The following LOXL2 variants were observed in gnomAD, a reference collection of about 807,000 sequenced individuals.
LOXL2 encodes lysyl oxidase homolog 2.
A neutral mutation model predicts 93.0 loss-of-function variants in LOXL2; 70 were observed. The observed-to-expected ratio is 0.75, with a 90% CI of 0.62 to 0.92. LOXL2 has a LOEUF of 0.92. Ranked by LOEUF, LOXL2 falls within the 40% of genes least tolerant of loss-of-function variation. The pLI is 0.00. For synonymous variants in LOXL2, 438 were observed against 413.2 expected (o/e 1.06, Z -0.73); for missense variants, 973 against 1,054.9 (o/e 0.92, Z 1.08).
chr8:23,374,620 T>A (rs954433173), intron 1 of LOXL2, among the ~76,000 whole-genome samples: 1 of 152,250 alleles, frequency 6.6e-6, no homozygotes, highest in Non-Finnish European at 1.5e-5. Context: ...TGTTGTTTCC[T>A]GACTTTTGAA....
At chr8:23,391,488 T>A (rs1804843004) in intron 1 of LOXL2, among the ~76,000 whole-genome samples, 1 of 152,150 alleles carries the variant, frequency 6.6e-6, no homozygotes, top group Non-Finnish European at 1.5e-5. Context: ...ATCATTCCCA[T>A]CAAGCACTCT....
chr8:23,342,585 C>T lies in LOXL2; in HGVS notation c.532-1382G>A, dbSNP rs374336736. On this transcript the variant is annotated intron_variant, in intron 3 of 13. Coordinates refer to ENST00000389131, the MANE Select transcript of LOXL2 (RefSeq NM_002318.3). ...TAGCTGGGACTACAGGCGCACGCCA[C>T]CACACCCGGCCAATTGTTTGTATTT... is the stretch of plus-strand genomic sequence containing the variant. 1.5e-3 allele frequency among the ~76,000 whole-genome samples: 232 copies of T among 152,188 alleles called. 1 individual carries two copies. The highest frequency in any genetic ancestry group is 5.5e-3 in the African/African-American group (227 of 41,540).
chr8:23,378,760 G>A (rs550039472), intron 1 of LOXL2, among the ~76,000 whole-genome samples: 6 of 152,290 alleles, frequency 3.9e-5, no homozygotes, highest in Admixed American at 6.5e-5. Flanking sequence ...CATTCGTCAC[G>A]TAGTTCTCGT....
rs951405524 is a variant in LOXL2, at chr8:23,328,578, A to G, written c.967-13T>C. ...GCACCAGGGGTTGCTGAAGAGACAC[A>G]CGGTCCTGCTGAGTACAGACGCTGA... On this transcript the variant is annotated splice_polypyrimidine_tract_variant and intron_variant, in intron 5 of 13. Transcript: ENST00000389131. 4.2e-5 allele frequency: 67 copies of G among 1,612,990 alleles called. No individual in the cohort carries two copies. Among genetic ancestry groups the G allele is most frequent in the Non-Finnish European group, 5.0e-5 (59 of 1,179,870 alleles).
intron 1 of LOXL2, among the ~76,000 whole-genome samples, chr8:23,403,133 A>AG (rs1365905421): frequency 9.9e-5 from 15 of 152,126 alleles, no homozygotes; most frequent in African/African-American, 3.6e-4. Flanking sequence ...GCTGGTGAGA[A>AG]GGGGCGCGGT....
At chr8:23,386,646 T>A (rs1804765059) in intron 1 of LOXL2, among the ~76,000 whole-genome samples, 1 of 152,082 alleles carries the variant, frequency 6.6e-6, no homozygotes, top group Non-Finnish European at 1.5e-5. Flanking sequence ...GGCAGATCTA[T>A]TCTCAGCATT....
At chr8:23,337,606 CCTTT>C (rs758860980) in intron 4 of LOXL2, 1 of 152,196 alleles carries the variant, frequency 6.6e-6, no homozygotes, top group African/African-American at 2.4e-5. Flanking sequence ...CCGCTGGAGG[CCTTT>C]CTAACTTCCT....
intron 11 of LOXL2, among the ~76,000 whole-genome samples, 177 bp downstream of exon 11, chr8:23,303,105 G>T (rs1384497757): frequency 6.6e-6 from 1 of 152,036 alleles, no homozygotes; most frequent in Non-Finnish European, 1.5e-5. Context: ...TTGGAACCAG[G>T]TCATGCCCAT....
intron 8 of LOXL2, 33 bp downstream of exon 8, chr8:23,319,852 G>A (rs746268350): frequency 1.9e-6 from 3 of 1,605,138 alleles, no homozygotes; most frequent in Non-Finnish European, 2.5e-6. Flanking sequence ...TGCATGGGGG[G>A]TGAATGCGGG....
At chr8:23,321,514 G>A (rs1803497505) in intron 7 of LOXL2, among the ~76,000 whole-genome samples, 1 of 152,304 alleles carries the variant, frequency 6.6e-6, no homozygotes, top group Non-Finnish European at 1.5e-5. Context: ...GGTGAGCGGG[G>A]TCTGACCTCA....
In LOXL2 at chr8:23,303,140, A is replaced by G; in HGVS notation, c.1996+142T>C. The G allele has an allele frequency of 4.5e-6, 3 of 667,544 alleles. No individual in the cohort carries two copies. The South Asian group carries it at 4.9e-5, about 11-fold the overall frequency. The allele number at this position is 667,544 out of a possible 1,614,324, so 41.4% of individuals were successfully genotyped here. On this transcript the variant is annotated intron_variant, in intron 11 of 13. Coordinates refer to ENST00000389131, the MANE Select transcript of LOXL2 (RefSeq NM_002318.3). ...TGCCCCCAGCGCCTCACTATAGCTG[A>G]GGAAGGTCCAGGTGGGGAAAGGTGG...
chr8:23,332,156 A>T (rs190250539), intron 5 of LOXL2: 3 of 150,978 alleles, frequency 2.0e-5, no homozygotes, highest in Admixed American at 6.6e-5. Context: ...GAATACACTC[A>T]CACACACACT....
At chr8:23,303,706 A>C (rs542540967) in intron 10 of LOXL2, among the ~76,000 whole-genome samples, 1 of 152,038 alleles carries the variant, frequency 6.6e-6, no homozygotes, top group Non-Finnish European at 1.5e-5. Flanking sequence ...CCAGCACTGC[A>C]TATGATAAGC....
rs979124622 is a variant in LOXL2 at position 23,328,393 on chromosome 8, C to T, written c.1139G>A (p.Arg380Gln). 7.4e-6 allele frequency: 12 copies of T among 1,613,824 alleles called. No individual in the cohort carries two copies. In the African/African-American group the frequency reaches 9.3e-5, roughly 13 times the overall value. Residue 380 changes from arginine to glutamine, a missense_variant, in exon 6 of 14, where the codon CGA becomes CAA. Transcript: ENST00000389131. ...TCCCCATTCCTTACCTTGCCCCAGT[C>T]GGGAGCCAGTGACTGCCTCTTTGGC... Reference protein sequence around the residue: ...GSAKEAVTGSRLGQGIGPIHL... With the variant: ...GSAKEAVTGSQLGQGIGPIHL...
chr8:23,333,288 G>C, intron 5 of LOXL2, 113 bp downstream of exon 5: 1 of 957,214 alleles, frequency 1.0e-6, no homozygotes, highest in Non-Finnish European at 1.6e-6. Flanking sequence ...CCACAATGGT[G>C]ATCTCCGCTG....
intron 12 of LOXL2, among the ~76,000 whole-genome samples, chr8:23,300,111 G>A (rs557413920): frequency 6.6e-6 from 1 of 152,274 alleles, no homozygotes; most frequent in African/African-American, 2.4e-5. Flanking sequence ...GCCTCCAGCT[G>A]TGCAGGCCTA....
At chr8:23,388,345 A>G (rs976438363) in intron 1 of LOXL2, among the ~76,000 whole-genome samples, 1 of 152,168 alleles carries the variant, frequency 6.6e-6, no homozygotes, top group African/African-American at 2.4e-5. Context: ...TGGGAGGCCA[A>G]GGTGGGATGA....
chr8:23,328,458 C>T lies in LOXL2; in HGVS notation c.1074G>A (p.Val358=). ...GTVCDDKWDL[V]SASVVCRELG... is the part of the protein sequence containing the mutation. ...GCTCTCTGCAGACCACACTGGCCGACACCAGGTCCCACTTGTCGTCGCAGA... is the reference window on the plus strand; with the variant it reads ...GCTCTCTGCAGACCACACTGGCCGATACCAGGTCCCACTTGTCGTCGCAGA... Residue 358 remains valine, a synonymous_variant, in exon 6 of 14, where the codon GTG becomes GTA. Coordinates refer to ENST00000389131, the MANE Select transcript of LOXL2 (RefSeq NM_002318.3). 6.2e-7 allele frequency: 1 copy of T among 1,614,160 alleles called. No homozygotes were observed. The highest frequency in any genetic ancestry group is 8.5e-7 in the Non-Finnish European group (1 of 1,180,034).
At chr8:23,334,776 T>TAATAGC (rs1383516461) in intron 4 of LOXL2, among the ~76,000 whole-genome samples, 4 of 151,522 alleles carry the variant, frequency 2.6e-5, no homozygotes, top group Non-Finnish European at 5.9e-5. Flanking sequence ...TCAGAAGTAG[T>TAATAGC]ATCTGCTTCA....
Sources: allele counts gnomAD v4.1 joint callset (sites outside exome capture counted in the v4.1 genomes callset), GRCh38; gene constraint gnomAD v4.1.1; transcripts MANE v1.5; gene names NCBI Gene and HGNC (gene_info 2026-07-23, HGNC 2026-07-21).